The following ADAMTSL2 variants were observed in gnomAD, a reference collection of about 807,000 sequenced individuals.
ADAMTSL2 encodes the protein ADAMTS-like protein 2.
Under a neutral mutation model 117.0 loss-of-function variants are expected in ADAMTSL2, and 55 were observed. The observed-to-expected ratio is 0.47, with a 90% CI of 0.38 to 0.59. The LOEUF (loss-of-function observed/expected upper bound fraction) is 0.59. ADAMTSL2 is among the 20% of genes least tolerant of loss of function. ADAMTSL2 has a pLI of 0.00. For synonymous variants in ADAMTSL2, 572 were observed against 566.4 expected (o/e 1.01, Z -0.14); for missense variants, 1,182 against 1,354.5 (o/e 0.87, Z 2.00).
At chr9:133,546,932 G>A (rs898076123) in intron 8 of ADAMTSL2, 106 bp from the exon 9 acceptor site, 2 of 1,187,160 alleles carry the variant, frequency 1.7e-6, no homozygotes, top group South Asian at 2.4e-5. Context: ...GAGCATTTGA[G>A]CCGGGGTTCT....
Position 133,535,021 on chromosome 9 carries a change from C to T in ADAMTSL2, c.-151+104C>T, listed in dbSNP as rs1017082980. On this transcript the variant is annotated intron_variant, in intron 1 of 18. Transcript: ENST00000651351. ...AGGAGCACCCCGCGCCCTCTGGAGC[C>T]GTTACATAACGTGGGGAGGCTTGTG... The T allele has an allele frequency of 7.0e-6, 9 of 1,291,124 alleles. 1 individual carries two copies. In the South Asian group the frequency reaches 9.5e-5, roughly 14 times the overall value. The allele number at this position is 1,291,124 out of a possible 1,614,324, so 80.0% of individuals were successfully genotyped here.
chr9:133,567,684 C>T (rs1402083889), intron 13 of ADAMTSL2, among the ~76,000 whole-genome samples: 2 of 152,228 alleles, frequency 1.3e-5, no homozygotes, highest in African/African-American at 4.8e-5. Flanking sequence ...ACTTCCTGCA[C>T]GTTTGCTCCT....
At position 133,557,767 on chromosome 9, in the gene ADAMTSL2, G is replaced by A. The variant is rs915092175; in HGVS notation, c.1649+1837G>A. On this transcript the variant is annotated intron_variant, in intron 11 of 18. Transcript: ENST00000651351. This position sits in a 1 kb window ranked among gnomAD's most constrained non-coding sequence, Gnocchi z 5.2. ...ACTGAGCCTCCAAGTGGCAGCAGTG[G>A]GGGGTGCCTTTCAGGACCCACTGCC... is the stretch of plus-strand genomic sequence containing the variant. Among the ~76,000 whole-genome samples, 7 of 152,216 alleles carry A rather than the reference G, an allele frequency of 4.6e-5. No homozygotes were observed. The highest frequency in any genetic ancestry group is 4.1e-4 in the South Asian group (2 of 4,830).
intron 9 of ADAMTSL2, among the ~76,000 whole-genome samples, chr9:133,551,812 CTTTTTTTTTTT>C (rs56225051): frequency 3.6e-5 from 4 of 111,064 alleles, no homozygotes; most frequent in South Asian, 3.7e-4. Context: ...AAAGCAGCAG[CTTTTTTTTTTT>C]TTTTTTTTTT....
chr9:133,548,553 A>G (rs9776610), intron 9 of ADAMTSL2, among the ~76,000 whole-genome samples: 127,051 of 150,536 alleles, frequency 0.84, 54,480 homozygotes, highest in Non-Finnish European at 0.92. Flanking sequence ...AGGAACACTG[A>G]TGTGGGCAGG....
chr9:133,567,143 C>A, intron 13 of ADAMTSL2, 81 bp downstream of exon 13: 2 of 1,521,842 alleles, frequency 1.3e-6, no homozygotes, highest in South Asian at 1.2e-5. Flanking sequence ...CAGACTTACC[C>A]CCTGCCCCGT....
rs761524523 is a variant in ADAMTSL2, at chr9:133,539,772, A to G, written c.311A>G (p.Glu104Gly). 2.0e-6 allele frequency: 3 copies of G among 1,511,232 alleles called. No individual in the cohort carries two copies. Among genetic ancestry groups the G allele is most frequent in the Admixed American group, 2.1e-5 (1 of 48,500 alleles). The allele number at this position is 1,511,232 out of a possible 1,614,324, so 93.6% of individuals were successfully genotyped here. A position where few individuals can be genotyped will look rare whatever the true frequency, so the allele number is the denominator to read the frequency against. Residue 104 changes from glutamate (E) to glycine (G), a missense_variant and splice_region_variant, in exon 5 of 19, where the codon GAG (glutamate) becomes GGG (glycine). Transcript: ENST00000651351. Reference protein sequence around the residue: ...SKRYQLCRVQECPPDGRSFRE... With the variant: ...SKRYQLCRVQGCPPDGRSFRE... ...CCTCCCTGTCCCTTCGCTTCCCAGG[A>G]GTGTCCGCCGGACGGGAGGAGCTTC...
At chr9:133,556,308 CT>C (rs1317943415) in intron 11 of ADAMTSL2, among the ~76,000 whole-genome samples, 1 of 152,200 alleles carries the variant, frequency 6.6e-6, no homozygotes, top group Non-Finnish European at 1.5e-5. Flanking sequence ...CACAACCGCC[CT>C]TAGTGGTGGG....
chr9:133,561,825 G>A (rs1830735662), intron 12 of ADAMTSL2, among the ~76,000 whole-genome samples: 1 of 152,184 alleles, frequency 6.6e-6, no homozygotes, highest in Admixed American at 6.5e-5. Context: ...GCTGGGATTT[G>A]AACCCACAGC....
intron 13 of ADAMTSL2, 61 bp from the exon 14 acceptor site, chr9:133,568,212 G>T: frequency 6.6e-7 from 1 of 1,510,966 alleles, no homozygotes; most frequent in Non-Finnish European, 8.9e-7. Context: ...GGGGGTGTGG[G>T]TTGCATGGGG....
chr9:133,567,721 T>TC (rs1169206343), intron 13 of ADAMTSL2, among the ~76,000 whole-genome samples: 126 of 152,158 alleles, frequency 8.3e-4, no homozygotes, highest in Non-Finnish European at 1.4e-3. Context: ...ATGCCCAAGG[T>TC]CCCCAGAATG....
Position 133,555,707 on chromosome 9 carries a change from G to A in ADAMTSL2, c.1426G>A (p.Glu476Lys). 1 of 1,614,010 alleles carries A rather than the reference G, an allele frequency of 6.2e-7. No homozygotes were observed. Among genetic ancestry groups the A allele is most frequent in the East Asian group, 2.2e-5 (1 of 44,880 alleles). ...TGACTTGAAGGACTTCACCCTCAAT[G>A]AGACTGTGAACAGCATCTTTGCACA... ...GSDLKDFTLN[E>K]TVNSIFAQGA... Residue 476 changes from glutamate (E) to lysine (K), a missense_variant, in exon 11 of 19, where the codon GAG (glutamate) becomes AAG (lysine). Physicochemically the swap from Glu to Lys is moderately conservative, Grantham distance 56. Coordinates refer to ENST00000651351, the MANE Select transcript of ADAMTSL2 (RefSeq NM_014694.4).
chr9:133,567,574 C>T (rs1421697854), intron 13 of ADAMTSL2, among the ~76,000 whole-genome samples: 1 of 152,182 alleles, frequency 6.6e-6, no homozygotes, highest in Non-Finnish European at 1.5e-5. Context: ...CCGGCCTCCC[C>T]CGACAAGGAT....
rs1306035494 is a variant in ADAMTSL2 at position 133,555,862 on chromosome 9, C to T, written c.1581C>T (p.Ser527=). ...LSSDRVANSS[S]EAPFPNVSTS... ...GCGACAGGGTTGCCAACAGCTCCTC[C>T]GAGGCCCCATTCCCCAACGTTAGCA... The change falls in exon 11 of 19, where the codon TCC becomes TCT. Residue 527 remains serine (S), a synonymous_variant. Transcript: ENST00000651351. 86 of 1,613,130 alleles carry T rather than the reference C, an allele frequency of 5.3e-5. No homozygotes were observed. Among genetic ancestry groups the T allele is most frequent in the Non-Finnish European group, 7.1e-5 (84 of 1,179,920 alleles).
At position 133,554,182 on chromosome 9, in the gene ADAMTSL2, A is replaced by G. The variant is rs1830550478; in HGVS notation, c.940-175A>G. The stretch of plus-strand genomic sequence containing the variant: ...CCTGTTCCCAGGCTCTTTGACTTGG[A>G]TGCCCCTGGGGCAGGAGCACTGCGT... On this transcript the variant is annotated intron_variant, in intron 9 of 18. Coordinates refer to ENST00000651351, the MANE Select transcript of ADAMTSL2 (RefSeq NM_014694.4). This position sits in a 1 kb window ranked among gnomAD's most constrained non-coding sequence, Gnocchi z 5.2. Among the ~76,000 whole-genome samples, 1 of 152,136 alleles carries G rather than the reference A, an allele frequency of 6.6e-6. No homozygotes were observed. The highest frequency in any genetic ancestry group is 1.5e-5 in the Non-Finnish European group (1 of 68,010).
At chr9:133,555,410 TC>T in intron 10 of ADAMTSL2, 147 bp from the exon 11 acceptor site, 1 of 969,396 alleles carries the variant, frequency 1.0e-6, no homozygotes, top group Admixed American at 2.4e-5. Flanking sequence ...CCGAATTACG[TC>T]CTCTAGTTAG....
chr9:133,563,841 GAGGGAGAGA>G (rs1830814826), intron 12 of ADAMTSL2, among the ~76,000 whole-genome samples: 2 of 50,426 alleles, frequency 4.0e-5, no homozygotes, highest in Non-Finnish European at 8.6e-5. Flanking sequence ...GAGAGAGAGA[GAGGGAGAGA>G]GAGAGAGAGA....
At chr9:133,543,938 T>A (rs1366235540) in intron 7 of ADAMTSL2, among the ~76,000 whole-genome samples, 1 of 152,242 alleles carries the variant, frequency 6.6e-6, no homozygotes, top group Non-Finnish European at 1.5e-5. Flanking sequence ...TTGCCCGATC[T>A]GGATCTCAGC....
At chr9:133,548,717 G>A (rs1830413412) in intron 9 of ADAMTSL2, among the ~76,000 whole-genome samples, 1 of 152,140 alleles carries the variant, frequency 6.6e-6, no homozygotes, top group South Asian at 2.1e-4. Context: ...CATGACCTGG[G>A]GAGAGACAGC....
Sources: allele counts gnomAD v4.1 joint callset (sites outside exome capture counted in the v4.1 genomes callset), GRCh38; gene constraint gnomAD v4.1.1; non-coding constraint Gnocchi (gnomAD v3.1); transcripts MANE v1.5; gene names NCBI Gene and HGNC (gene_info 2026-07-23, HGNC 2026-07-21).